The following NCS1 variants were observed in gnomAD, a reference collection of about 807,000 sequenced individuals.
NCS1 encodes the protein neuronal calcium sensor 1, also known as frequenin homolog.
Under a neutral mutation model 28.4 loss-of-function variants are expected in NCS1, and 6 were observed. That is an observed-to-expected ratio of 0.21 (90% CI 0.12 to 0.42). The LOEUF is 0.42. NCS1 is among the 10% of genes least tolerant of loss of function. The pLI, the probability that NCS1 is intolerant of heterozygous loss-of-function variation, is 1.00. For synonymous variants in NCS1, 86 were observed against 99.3 expected, an observed-to-expected ratio of 0.87 and a Z score of 0.79; for missense variants, 131 against 241.4, an observed-to-expected ratio of 0.54 and a Z score of 3.03.
chr9:130,199,827 C>G (rs1554907248), intron 1 of NCS1, among the ~76,000 whole-genome samples: 4 of 152,228 alleles, frequency 2.6e-5, no homozygotes, highest in Non-Finnish European at 5.9e-5. Flanking sequence ...TTCCCACTTC[C>G]CTGGGAATAG....
chr9:130,236,548 C>CTT lies in NCS1; in HGVS notation c.*3591_*3592dup, dbSNP rs11432743. 612 of 141,788 alleles carry CTT rather than the reference C, an allele frequency of 4.3e-3. 1 individual carries two copies. Among genetic ancestry groups the CTT allele is most frequent in the African/African-American group, 7.0e-3 (270 of 38,492 alleles). The allele number at this position is 141,788 out of a possible 1,614,324, so 8.8% of individuals were successfully genotyped here. ...CTGTGATGGGAAGCCTTGCCCCCCT[C>CTT]TTTTTTTTTTTTTTTTAATATCTGC... is the stretch of plus-strand genomic sequence containing the variant. On this transcript the variant is annotated 3_prime_UTR_variant, in exon 8 of 8. Transcript: ENST00000372398.
chr9:130,228,190 C>CTT (rs201009270), intron 7 of NCS1, among the ~76,000 whole-genome samples: 22 of 148,734 alleles, frequency 1.5e-4, no homozygotes, highest in Admixed American at 6.1e-4. Context: ...CTTTTTCTTT[C>CTT]TTTTTTTTTT....
chr9:130,177,505 C>G lies in NCS1; in HGVS notation c.64+4778C>G, dbSNP rs1488750340. On this transcript the variant is annotated intron_variant, in intron 1 of 7. Coordinates refer to ENST00000372398, the MANE Select transcript of NCS1 (RefSeq NM_014286.4). The surrounding 1 kb of genome is among the most constrained non-coding windows in gnomAD (Gnocchi z 4.4). The stretch of plus-strand genomic sequence containing the variant: ...GGGGCTTCGGCCGTCCCTGTACATC[C>G]CGTGTGCGTGGGCATGAACCAAGGA... Among the ~76,000 whole-genome samples the G allele has an allele frequency of 1.3e-5, 2 of 152,208 alleles. No homozygotes were observed. The highest frequency in any genetic ancestry group is 4.8e-5 in the African/African-American group (2 of 41,452).
At chr9:130,229,217 T>C (rs1246966184) in intron 7 of NCS1, among the ~76,000 whole-genome samples, 2 of 152,016 alleles carry the variant, frequency 1.3e-5, no homozygotes, top group Admixed American at 1.3e-4. Flanking sequence ...ACAGAAATTA[T>C]ATAATTAAAA....
chr9:130,225,985 A>T (rs1337801064), intron 6 of NCS1, among the ~76,000 whole-genome samples: 2 of 152,040 alleles, frequency 1.3e-5, no homozygotes, highest in African/African-American at 4.8e-5. Flanking sequence ...GAGCAGTTTA[A>T]ATGCCCTTCC....
At chr9:130,210,399 A>AG (rs1370785330) in intron 2 of NCS1, among the ~76,000 whole-genome samples, 5 of 110,902 alleles carry the variant, frequency 4.5e-5, no homozygotes, top group African/African-American at 1.4e-4. Context: ...ACTCAGTCTT[A>AG]GAAAAAAAAA....
rs893682777 is a variant in NCS1, at chr9:130,235,160, G to A, written c.*2188G>A. On this transcript the variant is annotated 3_prime_UTR_variant, in exon 8 of 8. Coordinates refer to ENST00000372398, the MANE Select transcript of NCS1 (RefSeq NM_014286.4). ...CCAACATCCTGCAGGGATGGGGTCA[G>A]TGGTTCCACCTTCACAGGCCACTTT... 1 of 152,124 alleles carries A rather than the reference G, an allele frequency of 6.6e-6. No homozygotes were observed. The highest frequency in any genetic ancestry group is 1.5e-5 in the Non-Finnish European group (1 of 68,212). 9.4% of individuals were successfully genotyped at this position (152,124 alleles called of 1,614,324 possible).
chr9:130,221,443 GAGAGAGAGAA>G (rs1833300153), intron 4 of NCS1, among the ~76,000 whole-genome samples: 1 of 139,914 alleles, frequency 7.1e-6, no homozygotes, highest in Non-Finnish European at 1.5e-5. Context: ...GAGAGAGAGA[GAGAGAGAGAA>G]AGAGAGAGTC....
chr9:130,186,586 C>T lies in NCS1; in HGVS notation c.64+13859C>T, dbSNP rs574615566. 1.3e-5 allele frequency among the ~76,000 whole-genome samples: 2 copies of T among 152,246 alleles called. No homozygotes were observed. Among genetic ancestry groups the T allele is most frequent in the East Asian group, 3.9e-4 (2 of 5,176 alleles). On this transcript the variant is annotated intron_variant, in intron 1 of 7. Coordinates refer to ENST00000372398, the MANE Select transcript of NCS1 (RefSeq NM_014286.4). This position sits in a 1 kb window ranked among gnomAD's most constrained non-coding sequence, Gnocchi z 4.1. ...CCAGGTCAGTCCTCACCTTCCAGGGCTCCCGAACCCCCAGCCCCAGGAAGG... is the reference window on the plus strand; with the variant it reads ...CCAGGTCAGTCCTCACCTTCCAGGGTTCCCGAACCCCCAGCCCCAGGAAGG...
At chr9:130,176,176 TTCTTTCTTTC>T (rs1832565666) in intron 1 of NCS1, among the ~76,000 whole-genome samples, 1 of 65,798 alleles carries the variant, frequency 1.5e-5, no homozygotes, top group Admixed American at 1.9e-4. Flanking sequence ...CTTTCTTTCT[TTCTTTCTTTC>T]TTTCTTTCTT....
intron 1 of NCS1, among the ~76,000 whole-genome samples, chr9:130,185,399 G>A (rs1455382929): frequency 2.6e-5 from 4 of 152,342 alleles, no homozygotes; most frequent in Admixed American, 6.5e-5. Flanking sequence ...TTTGCTTTCC[G>A]TTTCTGTCCA....
chr9:130,227,847 A>G (rs1002036645), intron 7 of NCS1, among the ~76,000 whole-genome samples: 1 of 152,190 alleles, frequency 6.6e-6, no homozygotes. Context: ...TCAGCTGTCA[A>G]TAGGGTTTGC....
At chr9:130,220,543 G>A (rs545189305) in intron 4 of NCS1, among the ~76,000 whole-genome samples, 1 of 152,154 alleles carries the variant, frequency 6.6e-6, no homozygotes, top group African/African-American at 2.4e-5. Flanking sequence ...CAGGGGGCCC[G>A]CGTGTGCGAG....
At chr9:130,189,998 C>T (rs1275284924) in intron 1 of NCS1, among the ~76,000 whole-genome samples, 1 of 137,008 alleles carries the variant, frequency 7.3e-6, no homozygotes, top group African/African-American at 2.8e-5. Context: ...GGAAAGATGG[C>T]TTGAGCCAGG....
intron 2 of NCS1, among the ~76,000 whole-genome samples, chr9:130,207,716 G>A (rs1399733791): frequency 4.6e-5 from 7 of 152,242 alleles, no homozygotes; most frequent in African/African-American, 4.8e-5. Context: ...GCCAGGGCAC[G>A]GCAATAGGAG....
At chr9:130,184,921 G>A (rs1832719361) in intron 1 of NCS1, among the ~76,000 whole-genome samples, 2 of 150,578 alleles carry the variant, frequency 1.3e-5, no homozygotes, top group African/African-American at 4.9e-5. Context: ...CTGAGATTGC[G>A]CCACTGCAGT....
chr9:130,182,867 G>GAGGTATCT (rs1832681170), intron 1 of NCS1, among the ~76,000 whole-genome samples: 1 of 152,238 alleles, frequency 6.6e-6, no homozygotes, highest in Non-Finnish European at 1.5e-5. Flanking sequence ...GGTGCCTTCG[G>GAGGTATCT]AGGTATCTGT....
At position 130,172,683 on chromosome 9, in the gene NCS1, A is replaced by C; in HGVS notation, c.20A>C (p.Lys7Thr). The part of the protein sequence containing the change: MGKSNS[K>T]LKPEVVEELT... ...CCGAGGATGGGGAAATCCAACAGCA[A>C]GTTGAAGCCCGAAGTTGTGGAGGAG... is the stretch of plus-strand genomic sequence containing the variant. Residue 7 changes from lysine (K) to threonine (T), a missense_variant, in exon 1 of 8, where the codon AAG becomes ACG. This residue lies in a region of NCS1 where 31 missense variants were observed against 31.1 expected (regional missense o/e 1.00). Coordinates refer to ENST00000372398, the MANE Select transcript of NCS1 (RefSeq NM_014286.4). 6.7e-7 allele frequency: 1 copy of C among 1,500,702 alleles called. No homozygotes were observed. Among genetic ancestry groups the C allele is most frequent in the Non-Finnish European group, 8.9e-7 (1 of 1,118,060 alleles). 93.0% of individuals were successfully genotyped at this position (1,500,702 alleles called of 1,614,324 possible). A position where few individuals can be genotyped will look rare whatever the true frequency, so the allele number is the denominator to read the frequency against.
chr9:130,200,939 T>C lies in NCS1; in HGVS notation c.65-19T>C. 1 of 1,614,186 alleles carries C rather than the reference T, an allele frequency of 6.2e-7. No individual in the cohort carries two copies. Among genetic ancestry groups the C allele is most frequent in the South Asian group, 1.1e-5 (1 of 91,078 alleles). On this transcript the variant is annotated intron_variant, in intron 1 of 7. Transcript: ENST00000372398. ...ACCTTCCCTGAGCTAAAAGCCTACT[T>C]TTCTGCTTTCTCTTGCAGTTACCGA...
Sources: allele counts gnomAD v4.1 joint callset (sites outside exome capture counted in the v4.1 genomes callset), GRCh38; gene constraint gnomAD v4.1.1; regional missense constraint gnomAD v4.1.1; non-coding constraint Gnocchi (gnomAD v3.1); transcripts MANE v1.5; gene names NCBI Gene and HGNC (gene_info 2026-07-23, HGNC 2026-07-21).